Variants in RIT2 observed in about 807,000 individuals in gnomAD.
The protein encoded by RIT2 is Ras like without CAAX 2.
RIT2 carries 24 observed loss-of-function variants against 23.7 expected under a neutral mutation model. The ratio of observed to expected loss-of-function variants is 1.01; its 90% CI spans 0.73 to 1.43. The LOEUF (loss-of-function observed/expected upper bound fraction) is 1.43, where lower values mean the gene tolerates loss of function less well. RIT2 is among the 40% of genes most tolerant of loss of function. RIT2 has a pLI of 0.00. For synonymous variants in RIT2, 107 were observed against 91.1 expected, an observed-to-expected ratio of 1.17 and a Z score of -0.99; for missense variants, 236 against 266.9, an observed-to-expected ratio of 0.88 and a Z score of 0.81.
At chr18:42,848,305 C>G (rs953900060) in intron 4 of RIT2, among the ~76,000 whole-genome samples, 1 of 152,134 alleles carries the variant, frequency 6.6e-6, no homozygotes, top group Admixed American at 6.5e-5. Context: ...CAACCTATTA[C>G]AAGGCTCACA....
intron 1 of RIT2, among the ~76,000 whole-genome samples, chr18:43,049,839 A>T (rs1311720140): frequency 1.3e-5 from 2 of 151,990 alleles, no homozygotes; most frequent in African/African-American, 4.8e-5. Context: ...TGGAGCTCAG[A>T]CTGGATGTAA....
chr18:42,967,370 G>A, intron 3 of RIT2, among the ~76,000 whole-genome samples: 1 of 151,294 alleles, frequency 6.6e-6, no homozygotes, highest in South Asian at 2.1e-4. Flanking sequence ...TCTTGTAAAA[G>A]GTGGTTGTTG....
intron 1 of RIT2, among the ~76,000 whole-genome samples, chr18:43,037,082 T>A (rs2144288476): frequency 6.6e-6 from 1 of 152,340 alleles, no homozygotes; most frequent in African/African-American, 2.4e-5. Context: ...ATTTTAATTG[T>A]ACTGACTTTA....
At chr18:42,836,445 T>C (rs1906605385) in intron 4 of RIT2, among the ~76,000 whole-genome samples, 1 of 152,082 alleles carries the variant, frequency 6.6e-6, no homozygotes, top group South Asian at 2.1e-4. Flanking sequence ...GAAAGCAGCA[T>C]GAAAGCCTTG....
At chr18:42,887,194 A>T (rs1908044959) in intron 4 of RIT2, among the ~76,000 whole-genome samples, 1 of 152,212 alleles carries the variant, frequency 6.6e-6, no homozygotes, top group Non-Finnish European at 1.5e-5. Context: ...TTTACAGGCC[A>T]ATTGTAGGAG....
At chr18:42,994,644 G>A (rs1409176958) in intron 2 of RIT2, among the ~76,000 whole-genome samples, 1 of 152,084 alleles carries the variant, frequency 6.6e-6, no homozygotes, top group Non-Finnish European at 1.5e-5. Flanking sequence ...TGTGCAGTCA[G>A]AATTCTTACA....
chr18:42,971,286 G>A (rs1910356327), intron 3 of RIT2, among the ~76,000 whole-genome samples: 1 of 151,946 alleles, frequency 6.6e-6, no homozygotes. Context: ...ATTTAATAAT[G>A]GTTTGAAAGC....
chr18:42,865,673 G>A (rs1350493148), intron 4 of RIT2, among the ~76,000 whole-genome samples: 1 of 152,114 alleles, frequency 6.6e-6, no homozygotes, highest in East Asian at 1.9e-4. Flanking sequence ...TCAGTTTTAT[G>A]AACTTCAGAA....
intron 3 of RIT2, among the ~76,000 whole-genome samples, chr18:42,955,878 T>C (rs1909960218): frequency 6.6e-6 from 1 of 152,216 alleles, no homozygotes; most frequent in African/African-American, 2.4e-5. Flanking sequence ...ACTGCGAGAC[T>C]ATAACTACTC....
chr18:42,804,959 C>T (rs1020678453), intron 4 of RIT2, among the ~76,000 whole-genome samples: 1 of 152,120 alleles, frequency 6.6e-6, no homozygotes, highest in Non-Finnish European at 1.5e-5. Flanking sequence ...ACAATTATTG[C>T]AATTTTCATC....
chr18:42,939,477 A>C (rs1471821798), intron 3 of RIT2, among the ~76,000 whole-genome samples: 1 of 152,100 alleles, frequency 6.6e-6, no homozygotes, highest in Non-Finnish European at 1.5e-5. Context: ...TGCCCCTTTT[A>C]ATCACCTTTT....
chr18:42,833,778 G>A (rs1045625775), intron 4 of RIT2, among the ~76,000 whole-genome samples: 2 of 151,936 alleles, frequency 1.3e-5, no homozygotes, highest in African/African-American at 4.8e-5. Context: ...TATTTATTGA[G>A]CACCAACTCT....
At chr18:42,863,661 T>C (rs974375705) in intron 4 of RIT2, among the ~76,000 whole-genome samples, 1 of 152,172 alleles carries the variant, frequency 6.6e-6, no homozygotes. Flanking sequence ...TCTCCAATTC[T>C]TTCTCTGAAT....
Position 43,092,765 on chromosome 18 carries a change from G to C in RIT2, c.103+22652C>G, listed in dbSNP as rs552790462. 3.3e-5 allele frequency among the ~76,000 whole-genome samples: 5 copies of C among 152,134 alleles called. No homozygotes were observed. In the South Asian group the frequency reaches 1.0e-3, roughly 31 times the overall value. ...TTGAAAGAATGACAGTGAGGCAAGAGAGTATTATGTAATTGCAAGCAACAT... is the reference window on the plus strand; with the variant it reads ...TTGAAAGAATGACAGTGAGGCAAGACAGTATTATGTAATTGCAAGCAACAT... On this transcript the variant is annotated intron_variant, in intron 1 of 4. Coordinates refer to ENST00000326695, the MANE Select transcript of RIT2 (RefSeq NM_002930.4).
chr18:42,954,169 G>T (rs965086620), intron 3 of RIT2, among the ~76,000 whole-genome samples: 6 of 152,002 alleles, frequency 3.9e-5, no homozygotes, highest in Non-Finnish European at 2.9e-5. Flanking sequence ...CTTGAGGTCA[G>T]GAGTTTGAGA....
intron 1 of RIT2, among the ~76,000 whole-genome samples, chr18:43,077,109 A>G (rs112936810): frequency 1.3e-3 from 146 of 116,652 alleles, no homozygotes; most frequent in East Asian, 3.9e-3. Flanking sequence ...TCTCAAAAAA[A>G]AAAAAAAAAA....
At chr18:42,912,216 T>A (rs1235883992) in intron 4 of RIT2, among the ~76,000 whole-genome samples, 1 of 150,144 alleles carries the variant, frequency 6.7e-6, no homozygotes, top group African/African-American at 2.5e-5. Context: ...AAAAGTATAT[T>A]AAATACCCAT....
intron 4 of RIT2, among the ~76,000 whole-genome samples, chr18:42,906,803 A>G (rs576751241): frequency 6.6e-6 from 1 of 152,302 alleles, no homozygotes; most frequent in South Asian, 2.1e-4. Context: ...TCCCTCATTA[A>G]GAGAACCAGT....
chr18:42,884,960 C>T (rs1332485690), intron 4 of RIT2, among the ~76,000 whole-genome samples: 1 of 152,184 alleles, frequency 6.6e-6, no homozygotes, highest in Non-Finnish European at 1.5e-5. Context: ...CAAAAAGTTT[C>T]TACTACAGCT....
Sources: gnomAD v4.1 joint callset for allele counts (sites outside exome capture counted in the v4.1 genomes callset) on GRCh38, gnomAD v4.1.1 for gene constraint, MANE v1.5 for transcripts, NCBI Gene and HGNC (gene_info 2026-07-23, HGNC 2026-07-21) for gene names.